ITPR3: variants seen among roughly 807,000 people sequenced by gnomAD.
The protein encoded by ITPR3 is inositol 1,4,5-trisphosphate receptor type 3, also known as inositol 1,4,5-trisphosphate-gated calcium channel ITPR3.
In ITPR3, 173 loss-of-function variants were observed where a neutral mutation model predicts 293.2. The observed-to-expected ratio is 0.59, with a 90% CI of 0.52 to 0.67. The LOEUF (loss-of-function observed/expected upper bound fraction) is 0.67. Among genes scored for constraint, ITPR3 ranks in the 30% least tolerant of loss-of-function variants. The pLI is 0.00. For synonymous variants in ITPR3, 1,295 were observed against 1,444.4 expected (o/e 0.90, Z 2.35); for missense variants, 2,796 against 3,592.1 (o/e 0.78, Z 5.66).
At position 33,692,974 on chromosome 6, in the gene ITPR3, C is replaced by A. The variant is rs1039989799; in HGVS notation, c.7624+81C>A. ...TGCCAGTGGCAGTAGCGGTTTGGCC[C>A]TTCCTGCCCTGGGGAACCCTGGCCC... On this transcript the variant is annotated intron_variant, in intron 55 of 57. Transcript: ENST00000605930. This position sits in a 1 kb window ranked among gnomAD's most constrained non-coding sequence, Gnocchi z 4.2. 7 of 1,458,524 alleles carry A rather than the reference C, an allele frequency of 4.8e-6. No individual in the cohort carries two copies. In the African/African-American group the frequency reaches 8.4e-5, roughly 17 times the overall value. 90.3% of individuals were successfully genotyped at this position (1,458,524 alleles called of 1,614,324 possible).
intron 1 of ITPR3, among the ~76,000 whole-genome samples, chr6:33,622,283 G>A (rs1320928893): frequency 1.3e-5 from 2 of 152,034 alleles, no homozygotes; most frequent in Non-Finnish European, 2.9e-5. Flanking sequence ...AATTTCCTGC[G>A]CCGGTCATCT....
intron 2 of ITPR3, among the ~76,000 whole-genome samples, chr6:33,642,486 A>G (rs1322346817): frequency 6.6e-6 from 1 of 151,856 alleles, no homozygotes; most frequent in Non-Finnish European, 1.5e-5. Context: ...ATGTGTGTCG[A>G]GGTGTGTGTG....
Position 33,659,025 on chromosome 6 carries a change from T to A in ITPR3, c.533T>A (p.Val178Asp). ...CTGTCCCACCTGTCTGCTCAGGTGGTCGTGGGGGACAAGGTGATCCTGAAT... is the reference window on the plus strand; with the variant it reads ...CTGTCCCACCTGTCTGCTCAGGTGGACGTGGGGGACAAGGTGATCCTGAAT... ...WKLRSNGDNV[V>D]VGDKVILNPV... Residue 178 changes from valine to aspartate, a missense_variant, in exon 6 of 58, where the codon GTC (valine) becomes GAC (aspartate). By Grantham distance (152) the Val-to-Asp change is radical. Around this residue, in one of 8 missense-constraint regions of ITPR3, gnomAD observed 144 missense variants for 230.8 expected, o/e 0.62. Coordinates refer to ENST00000605930, the MANE Select transcript of ITPR3 (RefSeq NM_002224.4). The A allele has an allele frequency of 6.2e-7, 1 of 1,613,918 alleles. No homozygotes were observed. The highest frequency in any genetic ancestry group is 8.5e-7 in the Non-Finnish European group (1 of 1,179,944).
intron 48 of ITPR3, 68 bp from the exon 49 acceptor site, chr6:33,688,588 C>T: frequency 6.3e-7 from 1 of 1,598,588 alleles, no homozygotes; most frequent in South Asian, 1.1e-5. Context: ...TGAGCGGGGC[C>T]CCACATGCAA....
At chr6:33,627,427 C>G (rs1197842758) in intron 1 of ITPR3, among the ~76,000 whole-genome samples, 3 of 152,180 alleles carry the variant, frequency 2.0e-5, no homozygotes, top group Non-Finnish European at 4.4e-5. Context: ...ATATAGTGAG[C>G]TGTATTTTCC....
intron 1 of ITPR3, among the ~76,000 whole-genome samples, chr6:33,631,432 C>T (rs914421753): frequency 1.3e-5 from 2 of 152,156 alleles, no homozygotes; most frequent in African/African-American, 4.8e-5. Context: ...CGGCCCTTCC[C>T]TTTTAGGTAG....
In ITPR3 at chr6:33,680,262, C is replaced by T. The variant is rs564160937; in HGVS notation, c.4225-67C>T. The T allele has an allele frequency of 3.2e-6, 5 of 1,582,870 alleles. No homozygotes were observed. In the Admixed American group the frequency reaches 6.9e-5, roughly 22 times the overall value. On this transcript the variant is annotated intron_variant, in intron 31 of 57. Coordinates refer to ENST00000605930, the MANE Select transcript of ITPR3 (RefSeq NM_002224.4). Reference sequence around the variant, plus strand: ...GGAACCGGAGGCCAGGGGACAGGAGCATTGTGGCAGGGAGAGCCTGGCCAG... The same window carrying T: ...GGAACCGGAGGCCAGGGGACAGGAGTATTGTGGCAGGGAGAGCCTGGCCAG...
At chr6:33,662,874 A>C (rs749024201) in intron 8 of ITPR3, 37 bp from the exon 9 acceptor site, 2 of 1,556,910 alleles carry the variant, frequency 1.3e-6, no homozygotes, top group South Asian at 2.4e-5. Context: ...ATGCCTGTCC[A>C]GTCTCTCCTT....
chr6:33,674,574 G>A (rs1764856849), intron 24 of ITPR3, among the ~76,000 whole-genome samples: 1 of 152,228 alleles, frequency 6.6e-6, no homozygotes, highest in East Asian at 1.9e-4. Flanking sequence ...ACAGCAGGGC[G>A]GAAGTGTGGG....
At chr6:33,630,351 G>A (rs1763646663) in intron 1 of ITPR3, among the ~76,000 whole-genome samples, 1 of 152,206 alleles carries the variant, frequency 6.6e-6, no homozygotes, top group African/African-American at 2.4e-5. Context: ...GGTCTGCCCT[G>A]CTGAGGGTCC....
chr6:33,688,833 C>T (rs751596573), intron 49 of ITPR3, 52 bp downstream of exon 49: 4 of 1,612,800 alleles, frequency 2.5e-6, no homozygotes, highest in Non-Finnish European at 3.4e-6. Context: ...CATGCTTCCT[C>T]CCTGGGTTGG....
rs202072988 is a variant in ITPR3, at chr6:33,695,724, C to T, written c.7960C>T (p.Arg2654Trp). Residue 2654 changes from arginine (R) to tryptophan (W), a missense_variant, in exon 58 of 58, where the codon CGG becomes TGG. This residue lies in a region of ITPR3 where 568 missense variants were observed against 796.1 expected (regional missense o/e 0.71). Transcript: ENST00000605930. Reference sequence around the variant, plus strand: ...TGCTTAACCCTAGATGACGGAGCAGCGGAAACGCAGGCAACGCCTAGGCTT... The same window carrying T: ...TGCTTAACCCTAGATGACGGAGCAGTGGAAACGCAGGCAACGCCTAGGCTT... ...NELKEQMTEQ[R>W]KRRQRLGFVD... 22 of 1,614,136 alleles carry T rather than the reference C, an allele frequency of 1.4e-5. No individual in the cohort carries two copies. The highest frequency in any genetic ancestry group is 1.7e-5 in the Non-Finnish European group (20 of 1,180,026).
At chr6:33,652,194 A>G (rs1764207129) in intron 2 of ITPR3, among the ~76,000 whole-genome samples, 1 of 151,408 alleles carries the variant, frequency 6.6e-6, no homozygotes, top group South Asian at 2.1e-4. Context: ...ATCCTCTCCC[A>G]CCTCCTGCTC....
At position 33,695,926 on chromosome 6, in the gene ITPR3, G is replaced by C. The variant is rs2127329365; in HGVS notation, c.*146G>C. 7 of 699,286 alleles carry C rather than the reference G, an allele frequency of 1.0e-5. No homozygotes were observed. In the East Asian group the frequency reaches 1.9e-4, roughly 19 times the overall value. 43.3% of individuals were successfully genotyped at this position (699,286 alleles called of 1,614,324 possible). On this transcript the variant is annotated 3_prime_UTR_variant, in exon 58 of 58. Coordinates refer to ENST00000605930, the MANE Select transcript of ITPR3 (RefSeq NM_002224.4). ...TGCCAGACACCCTGACACCCACCCA[G>C]GCTTTGAAGAGCATGGAGGGGGAGC... is the stretch of plus-strand genomic sequence containing the variant.
intron 2 of ITPR3, among the ~76,000 whole-genome samples, chr6:33,647,705 C>T (rs1394815213): frequency 6.6e-6 from 1 of 152,206 alleles, no homozygotes; most frequent in Non-Finnish European, 1.5e-5. Flanking sequence ...CTTATGGTTA[C>T]ATAGCATTCC....
chr6:33,688,790 A>G lies in ITPR3; in HGVS notation c.6694+9A>G. 1 of 1,614,096 alleles carries G rather than the reference A, an allele frequency of 6.2e-7. No individual in the cohort carries two copies. Among genetic ancestry groups the G allele is most frequent in the Non-Finnish European group, 8.5e-7 (1 of 1,179,982 alleles). On this transcript the variant is annotated intron_variant, in intron 49 of 57. Transcript: ENST00000605930. ...GGAGGGCGCGTCCACAGGTGAGAAC[A>G]CAGGGCTGGCCGGCAGGTTCCCCGG... is the stretch of plus-strand genomic sequence containing the variant.
chr6:33,673,503 C>A (rs1764823166), intron 22 of ITPR3, 88 bp from the exon 23 acceptor site: 1 of 1,534,298 alleles, frequency 6.5e-7, no homozygotes, highest in Non-Finnish European at 8.9e-7. Flanking sequence ...GGGCTCCCTG[C>A]CCCCTGCCCC....
chr6:33,673,157 C>T (rs1725453302), intron 22 of ITPR3, among the ~76,000 whole-genome samples: 2 of 152,234 alleles, frequency 1.3e-5, no homozygotes, highest in Admixed American at 6.5e-5. Flanking sequence ...GCCTCTCCTC[C>T]TCCCTCACAG....
At position 33,670,254 on chromosome 6, in the gene ITPR3, G is replaced by C; in HGVS notation, c.2190-71G>C. On this transcript the variant is annotated intron_variant, in intron 18 of 57. Coordinates refer to ENST00000605930, the MANE Select transcript of ITPR3 (RefSeq NM_002224.4). The surrounding 1 kb of genome is among the most constrained non-coding windows in gnomAD (Gnocchi z 6.7). ...TGCCACTTTACTGAGTCCTCACCAA[G>C]TCTAGTGCCCAGTGCCAGCAGCCTC... 1 of 1,560,684 alleles carries C rather than the reference G, an allele frequency of 6.4e-7. No homozygotes were observed. Among genetic ancestry groups the C allele is most frequent in the Non-Finnish European group, 8.8e-7 (1 of 1,137,674 alleles).
Sources: gnomAD v4.1 joint callset for allele counts (sites outside exome capture counted in the v4.1 genomes callset) on GRCh38, gnomAD v4.1.1 for gene constraint, gnomAD v4.1.1 regional missense constraint, Gnocchi (gnomAD v3.1) non-coding constraint, MANE v1.5 for transcripts, NCBI Gene and HGNC (gene_info 2026-07-23, HGNC 2026-07-21) for gene names.